The following CNTNAP2 variants were observed in gnomAD, a reference collection of about 807,000 sequenced individuals.
The protein encoded by CNTNAP2 is contactin-associated protein-like 2.
CNTNAP2 carries 98 observed loss-of-function variants against 155.2 expected under a neutral mutation model. The observed-to-expected ratio is 0.63, with a 90% confidence interval of 0.54 to 0.75. CNTNAP2 has a LOEUF of 0.75. CNTNAP2 is among the 30% of genes least tolerant of loss of function. CNTNAP2 has a pLI of 0.00. For synonymous variants in CNTNAP2, 651 were observed against 631.2 expected (o/e 1.03, Z -0.47); for missense variants, 1,727 against 1,688.1 (o/e 1.02, Z -0.40).
intron 22 of CNTNAP2, among the ~76,000 whole-genome samples, chr7:148,388,399 G>GT (rs781126880): frequency 1.7e-4 from 26 of 150,162 alleles, no homozygotes; most frequent in South Asian, 1.7e-3. Context: ...GCGGTGTTTG[G>GT]TTTTTTGTCC....
intron 10 of CNTNAP2, among the ~76,000 whole-genome samples, chr7:147,434,306 A>G (rs895958627): frequency 6.6e-6 from 1 of 152,184 alleles, no homozygotes; most frequent in Admixed American, 6.5e-5. Flanking sequence ...AATAGGACCT[A>G]GTGTGTGACC....
At chr7:147,796,582 T>A (rs2160016) in intron 13 of CNTNAP2, among the ~76,000 whole-genome samples, 39,003 of 102,794 alleles carry the variant, frequency 0.38, 6,253 homozygotes, top group African/African-American at 0.62. Context: ...CAGGATTTAT[T>A]AAAAAAAAAA....
At chr7:147,301,244 A>G (rs1002474024) in intron 9 of CNTNAP2, among the ~76,000 whole-genome samples, 7 of 152,210 alleles carry the variant, frequency 4.6e-5, no homozygotes, top group African/African-American at 1.7e-4. Flanking sequence ...GATAAACTCT[A>G]TGTGTGAAAA....
chr7:147,682,720 T>C (rs182444746), intron 13 of CNTNAP2, among the ~76,000 whole-genome samples: 7 of 152,072 alleles, frequency 4.6e-5, no homozygotes, highest in Admixed American at 3.9e-4. Context: ...AGATAACAAC[T>C]AATTGCCTCA....
chr7:148,198,965 A>C (rs931164086), intron 18 of CNTNAP2, among the ~76,000 whole-genome samples: 1 of 151,998 alleles, frequency 6.6e-6, no homozygotes, highest in African/African-American at 2.4e-5. Flanking sequence ...TGAGCAAAGA[A>C]GAGAAGAAAA....
At chr7:146,855,705 G>A (rs1328388677) in intron 3 of CNTNAP2, among the ~76,000 whole-genome samples, 1 of 151,308 alleles carries the variant, frequency 6.6e-6, no homozygotes, top group Non-Finnish European at 1.5e-5. Flanking sequence ...TGTCAATTGT[G>A]TTGGGGGCCA....
intron 1 of CNTNAP2, among the ~76,000 whole-genome samples, chr7:146,121,417 G>C (rs1251943645): frequency 6.6e-6 from 1 of 152,054 alleles, no homozygotes; most frequent in African/African-American, 2.4e-5. Flanking sequence ...AGAATCAGGA[G>C]AGAATCTAGG....
chr7:146,777,222 C>T (rs1802405611), intron 2 of CNTNAP2, among the ~76,000 whole-genome samples: 1 of 152,178 alleles, frequency 6.6e-6, no homozygotes, highest in Non-Finnish European at 1.5e-5. Context: ...TTCATTGTAG[C>T]CCATTTTATC....
chr7:146,692,173 T>C (rs1800709772), intron 1 of CNTNAP2, among the ~76,000 whole-genome samples: 1 of 152,176 alleles, frequency 6.6e-6, no homozygotes, highest in South Asian at 2.1e-4. Flanking sequence ...TACATTTCCT[T>C]TTGTCTTGTA....
chr7:147,984,344 C>T (rs1801581341), intron 15 of CNTNAP2, among the ~76,000 whole-genome samples: 1 of 152,186 alleles, frequency 6.6e-6, no homozygotes, highest in African/African-American at 2.4e-5. Flanking sequence ...AGGTCTTAGC[C>T]TTATTTCGAG....
chr7:147,804,614 T>C (rs112603649), intron 13 of CNTNAP2, among the ~76,000 whole-genome samples: 4,931 of 152,126 alleles, frequency 0.032, 135 homozygotes, highest in Non-Finnish European at 0.051. Context: ...AGTACAGTGG[T>C]GCGATCTCGG....
intron 12 of CNTNAP2, chr7:147,638,855 C>A (rs201751804): frequency 6.8e-4 from 297 of 438,856 alleles, no homozygotes; most frequent in Non-Finnish European, 8.5e-4. Flanking sequence ...TTTTTTTTTT[C>A]TTTTTTTGCC....
intron 1 of CNTNAP2, among the ~76,000 whole-genome samples, chr7:146,593,924 A>G (rs1194965463): frequency 6.6e-6 from 1 of 152,128 alleles, no homozygotes; most frequent in Non-Finnish European, 1.5e-5. Context: ...TAGTTTAGCC[A>G]GGTTCTCCCA....
At chr7:148,060,060 C>T (rs1803102943) in intron 15 of CNTNAP2, among the ~76,000 whole-genome samples, 1 of 151,880 alleles carries the variant, frequency 6.6e-6, no homozygotes, top group Admixed American at 6.6e-5. Flanking sequence ...TAAGCTGTAC[C>T]ACACAGAAAT....
intron 20 of CNTNAP2, among the ~76,000 whole-genome samples, chr7:148,230,157 C>T (rs150051512): frequency 7.9e-5 from 12 of 152,308 alleles, no homozygotes; most frequent in Admixed American, 7.2e-4. Flanking sequence ...GTTTCTCCGA[C>T]CTACTTCTTT....
At chr7:147,526,628 G>A (rs374544396) in intron 11 of CNTNAP2, among the ~76,000 whole-genome samples, 1 of 152,186 alleles carries the variant, frequency 6.6e-6, no homozygotes, top group African/African-American at 2.4e-5. Flanking sequence ...CCATAAGTAA[G>A]AGCTAGAACC....
At chr7:146,698,110 G>A (rs980325997) in intron 1 of CNTNAP2, among the ~76,000 whole-genome samples, 1 of 152,092 alleles carries the variant, frequency 6.6e-6, no homozygotes, top group African/African-American at 2.4e-5. Flanking sequence ...GTCATCACAT[G>A]TAACATTGCT....
At chr7:148,151,721 A>G (rs1269492209) in intron 17 of CNTNAP2, among the ~76,000 whole-genome samples, 1 of 152,136 alleles carries the variant, frequency 6.6e-6, no homozygotes, top group Non-Finnish European at 1.5e-5. Flanking sequence ...CAATGGGCTC[A>G]TTACTTCTTT....
At chr7:147,353,361 T>C (rs568628748) in intron 9 of CNTNAP2, among the ~76,000 whole-genome samples, 58 of 152,096 alleles carry the variant, frequency 3.8e-4, no homozygotes, top group African/African-American at 1.2e-3. Flanking sequence ...TGTGTTCTCA[T>C]TGTTCAACTC....
Sources: gnomAD v4.1 joint callset for allele counts (sites outside exome capture counted in the v4.1 genomes callset) on GRCh38, gnomAD v4.1.1 for gene constraint, MANE v1.5 for transcripts, NCBI Gene and HGNC (gene_info 2026-07-23, HGNC 2026-07-21) for gene names.